SOX6: variants seen among roughly 807,000 people sequenced by gnomAD.
The protein encoded by SOX6 is SRY-box transcription factor 6, also known as transcription factor SOX-6.
In SOX6, 11 loss-of-function variants were observed where a neutral mutation model predicts 97.8. The observed-to-expected ratio is 0.11, with a 90% CI of 0.07 to 0.19. The LOEUF is 0.19. Ranked by LOEUF, SOX6 falls within the 10% of genes least tolerant of loss-of-function variation. The probability of loss-of-function intolerance (pLI) is 1.00; values close to 1 mark genes in which losing one functional copy is unlikely to be tolerated. For synonymous variants in SOX6, 360 were observed against 371.4 expected, an observed-to-expected ratio of 0.97 and a Z score of 0.35; for missense variants, 810 against 1,039.5, an observed-to-expected ratio of 0.78 and a Z score of 3.04.
intron 12 of SOX6, among the ~76,000 whole-genome samples, chr11:16,020,399 G>A (rs946699991): frequency 6.6e-6 from 1 of 152,012 alleles, no homozygotes; most frequent in African/African-American, 2.4e-5. Flanking sequence ...TCTTCACAGA[G>A]TTCTACTTCA....
At chr11:16,644,114 C>T (rs1406965829) in intron 3 of SOX6, among the ~76,000 whole-genome samples, 4 of 152,162 alleles carry the variant, frequency 2.6e-5, no homozygotes, top group South Asian at 4.1e-4. Flanking sequence ...AATCATGGCT[C>T]ACTGCAGCCT....
At chr11:16,133,217 G>A (rs1849868108) in intron 6 of SOX6, among the ~76,000 whole-genome samples, 2 of 152,216 alleles carry the variant, frequency 1.3e-5, no homozygotes, top group Admixed American at 1.3e-4. Flanking sequence ...ACCCCTTTTT[G>A]GAGAGTGTTT....
chr11:16,284,778 C>T (rs970992434), intron 3 of SOX6, among the ~76,000 whole-genome samples: 13 of 152,136 alleles, frequency 8.5e-5, no homozygotes, highest in African/African-American at 3.1e-4. Flanking sequence ...CCACCCGCTA[C>T]TATTTCCCTT....
chr11:16,132,352 A>C (rs1324576579), intron 6 of SOX6, among the ~76,000 whole-genome samples: 1 of 66,362 alleles, frequency 1.5e-5, no homozygotes, highest in Non-Finnish European at 2.7e-5. Context: ...GAAAGAAAGA[A>C]AGAAAGAAAG....
At chr11:15,980,801 T>G (rs1241769569) in intron 15 of SOX6, among the ~76,000 whole-genome samples, 1 of 152,062 alleles carries the variant, frequency 6.6e-6, no homozygotes, top group Admixed American at 6.6e-5. Flanking sequence ...TGAGCTTTAT[T>G]TGCTCTTGTC....
intron 7 of SOX6, among the ~76,000 whole-genome samples, chr11:16,100,446 G>A (rs1263961759): frequency 6.6e-6 from 1 of 151,606 alleles, no homozygotes. Context: ...TATTTCAACT[G>A]ACAGTTTTTA....
chr11:16,481,039 T>C (rs1215769615), upstream of SOX6, among the ~76,000 whole-genome samples: 1 of 152,130 alleles, frequency 6.6e-6, no homozygotes, highest in Non-Finnish European at 1.5e-5. Context: ...TGTATGCAAA[T>C]TCAAGTGGGT....
chr11:16,111,893 G>T lies in SOX6; in HGVS notation c.808C>A (p.Pro270Thr). 6.2e-7 allele frequency: 1 copy of T among 1,612,468 alleles called. No individual in the cohort carries two copies. ...VQGHMPPLMIPIFPHDQRTLA... is the reference protein window; with the variant it reads ...VQGHMPPLMITIFPHDQRTLA... ...GTCCGCTGGTCATGTGGAAAAATTG[G>T]GATCATGAGCGGAGGCATGTGACCC... Residue 270 changes from proline to threonine, a missense_variant, in exon 7 of 16, where the codon CCA becomes ACA. Coordinates refer to ENST00000683767, the MANE Select transcript of SOX6 (RefSeq NM_001367873.1).
chr11:16,640,504 C>T (rs979655258), intron 3 of SOX6, among the ~76,000 whole-genome samples: 11 of 152,154 alleles, frequency 7.2e-5, no homozygotes, highest in Admixed American at 5.9e-4. Flanking sequence ...CCTCCTTGTA[C>T]CTCTGGTAGA....
intron 4 of SOX6, among the ~76,000 whole-genome samples, chr11:16,579,662 C>T (rs1009988359): frequency 1.6e-4 from 24 of 151,996 alleles, no homozygotes; most frequent in Non-Finnish European, 2.9e-4. Context: ...AGTCTTCCAC[C>T]GAGTAAGTAT....
intron 6 of SOX6, among the ~76,000 whole-genome samples, chr11:16,131,232 T>A (rs951860283): frequency 6.6e-6 from 1 of 151,624 alleles, no homozygotes; most frequent in African/African-American, 2.4e-5. Flanking sequence ...TTCAGAATAA[T>A]TAAGAAAAAC....
chr11:15,994,283 C>G (rs1466647472), intron 13 of SOX6, among the ~76,000 whole-genome samples: 3 of 151,408 alleles, frequency 2.0e-5, no homozygotes, highest in Non-Finnish European at 2.9e-5. Context: ...TGAGCAGCAT[C>G]TTAAAGGAGA....
At chr11:16,070,450 T>C (rs1176905159) in intron 9 of SOX6, among the ~76,000 whole-genome samples, 1 of 152,180 alleles carries the variant, frequency 6.6e-6, no homozygotes, top group African/African-American at 2.4e-5. Context: ...AATTCATTCT[T>C]GAATTGCACC....
At chr11:16,208,114 G>A (rs893079291) in intron 4 of SOX6, among the ~76,000 whole-genome samples, 5 of 152,118 alleles carry the variant, frequency 3.3e-5, no homozygotes, top group African/African-American at 1.2e-4. Flanking sequence ...GATATTTAAA[G>A]AAATTAATTT....
intron 1 of SOX6, among the ~76,000 whole-genome samples, chr11:16,430,228 C>A (rs1859247662): frequency 6.6e-6 from 1 of 152,146 alleles, no homozygotes; most frequent in Non-Finnish European, 1.5e-5. Context: ...ACTCTTCTTT[C>A]AGATCTCGTT....
intron 6 of SOX6, among the ~76,000 whole-genome samples, chr11:16,163,182 A>G (rs1384489863): frequency 6.6e-6 from 1 of 152,216 alleles, no homozygotes; most frequent in African/African-American, 2.4e-5. Flanking sequence ...ATGTTGTAAG[A>G]CAAGTCTCAT....
intron 6 of SOX6, among the ~76,000 whole-genome samples, chr11:16,118,405 G>A (rs1220677270): frequency 1.3e-5 from 2 of 152,266 alleles, no homozygotes; most frequent in African/African-American, 4.8e-5. Flanking sequence ...AGCAGCAGAT[G>A]TGTGTGAAAC....
rs147222787 is a variant in SOX6, at chr11:16,124,600, C to A, written c.778-12677G>T. On this transcript the variant is annotated intron_variant, in intron 6 of 15. Coordinates refer to ENST00000683767, the MANE Select transcript of SOX6 (RefSeq NM_001367873.1). ...CTAGAAGAGAGAAAAGCAACTCAGG[C>A]AGAGGGCATGTGAGTGCAAAGGTCA... 1.4e-3 allele frequency among the ~76,000 whole-genome samples: 209 copies of A among 152,040 alleles called. 1 individual carries two copies. Among genetic ancestry groups the A allele is most frequent in the African/African-American group, 4.7e-3 (195 of 41,514 alleles).
At chr11:15,992,493 C>T (rs1006083841) in intron 13 of SOX6, among the ~76,000 whole-genome samples, 4 of 152,252 alleles carry the variant, frequency 2.6e-5, no homozygotes, top group South Asian at 4.1e-4. Flanking sequence ...AGTACTCTAA[C>T]ACTATCTTAT....
Sources: allele counts gnomAD v4.1 joint callset (sites outside exome capture counted in the v4.1 genomes callset), GRCh38; gene constraint gnomAD v4.1.1; transcripts MANE v1.5; gene names NCBI Gene and HGNC (gene_info 2026-07-23, HGNC 2026-07-21).